FGF14: variants seen among roughly 807,000 people sequenced by gnomAD.
FGF14 encodes the protein fibroblast growth factor 14.
FGF14 carries 5 observed loss-of-function variants against 25.5 expected under a neutral mutation model. The ratio of observed to expected loss-of-function variants is 0.20; its 90% CI spans 0.10 to 0.41. FGF14 has a LOEUF of 0.41. FGF14 is among the 10% of genes least tolerant of loss of function. The probability of loss-of-function intolerance (pLI) is 1.00; values close to 1 mark genes in which losing one functional copy is unlikely to be tolerated. For missense variants in FGF14, 222 were observed against 320.1 expected (o/e 0.69, Z 2.34); for synonymous variants, 138 against 118.3 (o/e 1.17, Z -1.08).
chr13:102,017,659 T>C (rs1335059414), intron 1 of FGF14, among the ~76,000 whole-genome samples: 1 of 152,180 alleles, frequency 6.6e-6, no homozygotes, highest in Non-Finnish European at 1.5e-5. Context: ...TGAAACTTTC[T>C]TTAGTTCTGC....
chr13:101,940,265 C>T (rs1049078805), intron 1 of FGF14, among the ~76,000 whole-genome samples: 4 of 152,118 alleles, frequency 2.6e-5, no homozygotes, highest in South Asian at 2.1e-4. Context: ...AAAGGGTGAT[C>T]GGGAGGTCTC....
intron 3 of FGF14, among the ~76,000 whole-genome samples, chr13:101,753,298 GACAC>G (rs3064705): frequency 0.061 from 8,883 of 145,328 alleles, 808 homozygotes; most frequent in African/African-American, 0.2. Flanking sequence ...CACACAGACA[GACAC>G]ACACACACAC....
intron 1 of FGF14, among the ~76,000 whole-genome samples, chr13:102,377,276 C>T (rs1046270003): frequency 6.6e-6 from 1 of 152,026 alleles, no homozygotes; most frequent in Non-Finnish European, 1.5e-5. Flanking sequence ...TTAATATGTG[C>T]TTTGTTCATT....
At chr13:102,090,314 G>A (rs1380321847) in intron 1 of FGF14, among the ~76,000 whole-genome samples, 2 of 152,256 alleles carry the variant, frequency 1.3e-5, no homozygotes, top group East Asian at 3.9e-4. Flanking sequence ...TAAAATTAAT[G>A]ACTTTGTCTC....
rs189946907 is a variant in FGF14, at chr13:102,108,505, T to C, written c.209-233209A>G. On this transcript the variant is annotated intron_variant, in intron 1 of 4. Transcript: ENST00000376131. ...AATTAGATTGGATCTCTGTGAAACA[T>C]GTTAAGATATTGTGTGAGCTCTTTC... Among the ~76,000 whole-genome samples the C allele has an allele frequency of 8.5e-5, 13 of 152,320 alleles. No individual in the cohort carries two copies. In the East Asian group the frequency reaches 9.6e-4, roughly 11 times the overall value.
chr13:101,882,215 T>C (rs1188973859), intron 1 of FGF14, among the ~76,000 whole-genome samples: 1 of 152,160 alleles, frequency 6.6e-6, no homozygotes, highest in Non-Finnish European at 1.5e-5. Flanking sequence ...GAAGAAAAAC[T>C]GCTGCTTGAT....
At chr13:102,187,237 C>T (rs1469736030) in intron 1 of FGF14, among the ~76,000 whole-genome samples, 2 of 152,192 alleles carry the variant, frequency 1.3e-5, no homozygotes, top group East Asian at 1.9e-4. Flanking sequence ...CCAGATAACC[C>T]AGACATGCAT....
intron 1 of FGF14, among the ~76,000 whole-genome samples, chr13:102,136,827 T>C (rs765958516): frequency 2.6e-5 from 4 of 152,198 alleles, no homozygotes; most frequent in Non-Finnish European, 2.9e-5. Context: ...AGCTCATATG[T>C]ATTTGATGTA....
intron 1 of FGF14, among the ~76,000 whole-genome samples, chr13:102,200,903 C>T (rs1377002466): frequency 6.6e-6 from 1 of 151,716 alleles, no homozygotes; most frequent in South Asian, 2.1e-4. Context: ...GAGATCGAGA[C>T]CATCTTGGCT....
intron 1 of FGF14, among the ~76,000 whole-genome samples, chr13:102,065,132 C>T (rs2042847775): frequency 6.6e-6 from 1 of 151,980 alleles, no homozygotes; most frequent in Non-Finnish European, 1.5e-5. Context: ...AGCCAGCCTC[C>T]ACATTCATCA....
chr13:102,220,222 C>T (rs959089012), intron 1 of FGF14, among the ~76,000 whole-genome samples: 1 of 152,002 alleles, frequency 6.6e-6, no homozygotes, highest in African/African-American at 2.4e-5. Context: ...GAAGAGGCAT[C>T]TAATTTTTAA....
chr13:102,039,456 C>A (rs775317121), intron 1 of FGF14, among the ~76,000 whole-genome samples: 2 of 152,122 alleles, frequency 1.3e-5, no homozygotes, highest in African/African-American at 4.8e-5. Flanking sequence ...AAGGGGCCAG[C>A]AGGTTGGTCC....
chr13:102,114,271 T>G (rs1432822539), intron 1 of FGF14, among the ~76,000 whole-genome samples: 2 of 152,222 alleles, frequency 1.3e-5, no homozygotes, highest in Non-Finnish European at 2.9e-5. Context: ...TTTTGGGTAC[T>G]ATTGAGTTGT....
chr13:101,770,796 A>G (rs1015501125), intron 3 of FGF14, among the ~76,000 whole-genome samples: 1 of 152,098 alleles, frequency 6.6e-6, no homozygotes, highest in African/African-American at 2.4e-5. Flanking sequence ...GCATTTATAA[A>G]CAACCTAATC....
chr13:101,969,180 T>G (rs2037433935), intron 1 of FGF14, among the ~76,000 whole-genome samples: 2 of 152,232 alleles, frequency 1.3e-5, no homozygotes, highest in Non-Finnish European at 2.9e-5. Flanking sequence ...TGCCAGCACT[T>G]AGCTCATAGT....
chr13:102,088,312 G>C (rs1266913754), intron 1 of FGF14, among the ~76,000 whole-genome samples: 1 of 152,070 alleles, frequency 6.6e-6, no homozygotes, highest in Non-Finnish European at 1.5e-5. Flanking sequence ...TGCCAAGTTG[G>C]GAAAAGTAAT....
At chr13:101,811,653 G>A (rs1219715570) in intron 3 of FGF14, among the ~76,000 whole-genome samples, 1 of 152,206 alleles carries the variant, frequency 6.6e-6, no homozygotes. Context: ...TGGATTGATT[G>A]TGTGGCAAGA....
chr13:101,877,147 C>T (rs1034939931), intron 1 of FGF14, among the ~76,000 whole-genome samples: 27 of 152,194 alleles, frequency 1.8e-4, no homozygotes, highest in African/African-American at 6.5e-4. Flanking sequence ...AAGCCACCTA[C>T]CCACCCACTC....
At chr13:102,019,774 G>C (rs896116321) in intron 1 of FGF14, among the ~76,000 whole-genome samples, 1 of 152,106 alleles carries the variant, frequency 6.6e-6, no homozygotes, top group African/African-American at 2.4e-5. Flanking sequence ...GTTTATGCAA[G>C]AACTGCACAC....
Sources: gnomAD v4.1 joint callset for allele counts (sites outside exome capture counted in the v4.1 genomes callset) on GRCh38, gnomAD v4.1.1 for gene constraint, MANE v1.5 for transcripts, NCBI Gene and HGNC (gene_info 2026-07-23, HGNC 2026-07-21) for gene names.